Variants in ADAMTS19 observed in about 807,000 individuals in gnomAD.
The protein encoded by ADAMTS19 is ADAM metallopeptidase with thrombospondin type 1 motif 19, also known as A disintegrin and metalloproteinase with thrombospondin motifs 19.
ADAMTS19 carries 93 observed loss-of-function variants against 153.3 expected under a neutral mutation model. That is an observed-to-expected ratio of 0.61 (90% CI 0.51 to 0.72). The LOEUF (loss-of-function observed/expected upper bound fraction) is 0.72. Ranked by LOEUF, ADAMTS19 falls within the 30% of genes least tolerant of loss-of-function variation. The pLI, the probability that ADAMTS19 is intolerant of heterozygous loss-of-function variation, is 0.00. For missense variants in ADAMTS19, 1,482 were observed against 1,552.1 expected (o/e 0.95, Z 0.76); for synonymous variants, 600 against 556.6 (o/e 1.08, Z -1.10).
chr5:129,507,977 T>TA (rs992811468), intron 2 of ADAMTS19, among the ~76,000 whole-genome samples: 4 of 151,756 alleles, frequency 2.6e-5, no homozygotes, highest in South Asian at 4.2e-4. Flanking sequence ...TCAAACAAAT[T>TA]AAAAAAAATT....
At chr5:129,547,270 C>G (rs1259026625) in intron 6 of ADAMTS19, among the ~76,000 whole-genome samples, 1 of 150,342 alleles carries the variant, frequency 6.7e-6, no homozygotes, top group Non-Finnish European at 1.5e-5. Context: ...CCTGGGTAGC[C>G]TCTGGAAGCT....
chr5:129,483,792 C>A (rs575552144), intron 2 of ADAMTS19, among the ~76,000 whole-genome samples: 1 of 152,240 alleles, frequency 6.6e-6, no homozygotes, highest in African/African-American at 2.4e-5. Context: ...GTCATTTTTA[C>A]ACTAAGGCAA....
rs774866758 is a variant in ADAMTS19, at chr5:129,461,544, C to T, written c.534C>T (p.Phe178=). ...GDEVLLRIPA[F]SRDLYLLLRR... ...AAGTGTTGCTGCGGATCCCGGCCTT[C>T]TCTCGGGACCTGTACCTGCTGCTCC... The change falls in exon 2 of 23, where the codon TTC becomes TTT. Residue 178 remains phenylalanine (F), a synonymous_variant. Coordinates refer to ENST00000274487, the MANE Select transcript of ADAMTS19 (RefSeq NM_133638.6). The surrounding 1 kb of genome is among the most constrained non-coding windows in gnomAD (Gnocchi z 4.6). 1 of 1,535,448 alleles carries T rather than the reference C, an allele frequency of 6.5e-7. No individual in the cohort carries two copies. The highest frequency in any genetic ancestry group is 8.7e-7 in the Non-Finnish European group (1 of 1,147,652).
At chr5:129,539,152 A>C in intron 6 of ADAMTS19, among the ~76,000 whole-genome samples, 1 of 152,132 alleles carries the variant, frequency 6.6e-6, no homozygotes, top group East Asian at 1.9e-4. Context: ...TAATCTCCAG[A>C]ACCAGTGAAT....
At chr5:129,558,353 A>G (rs1235874400) in intron 7 of ADAMTS19, among the ~76,000 whole-genome samples, 2 of 152,288 alleles carry the variant, frequency 1.3e-5, no homozygotes, top group African/African-American at 4.8e-5. Flanking sequence ...ATCAATATGC[A>G]ATAACCAATT....
intron 8 of ADAMTS19, among the ~76,000 whole-genome samples, chr5:129,598,111 C>G (rs2126923347): frequency 6.6e-6 from 1 of 152,110 alleles, no homozygotes; most frequent in East Asian, 1.9e-4. Context: ...GTTTGGCCTT[C>G]AGTGTTTAAA....
chr5:129,535,311 T>C (rs986266680), intron 6 of ADAMTS19, among the ~76,000 whole-genome samples: 1 of 152,130 alleles, frequency 6.6e-6, no homozygotes, highest in Admixed American at 6.5e-5. Flanking sequence ...CCATTCACAA[T>C]TGGCTTGAAA....
chr5:129,673,839 A>G (rs1754423946), intron 16 of ADAMTS19, among the ~76,000 whole-genome samples: 1 of 152,230 alleles, frequency 6.6e-6, no homozygotes, highest in African/African-American at 2.4e-5. Flanking sequence ...TCATTTTAAA[A>G]TTTAAATTTA....
At chr5:129,619,306 C>G (rs955722066) in intron 8 of ADAMTS19, among the ~76,000 whole-genome samples, 1 of 151,966 alleles carries the variant, frequency 6.6e-6, no homozygotes, top group Non-Finnish European at 1.5e-5. Context: ...TAATCTTGGA[C>G]AAGTTACTTC....
intron 7 of ADAMTS19, among the ~76,000 whole-genome samples, chr5:129,562,301 A>G (rs956483931): frequency 6.6e-6 from 1 of 152,220 alleles, no homozygotes; most frequent in African/African-American, 2.4e-5. Context: ...TTGAGATTTG[A>G]TAAAATGAAT....
At chr5:129,600,858 GTTA>G (rs67558720) in intron 8 of ADAMTS19, among the ~76,000 whole-genome samples, 17,584 of 150,480 alleles carry the variant, frequency 0.12, 1,273 homozygotes, top group African/African-American at 0.2. Context: ...AGTAGTAGGA[GTTA>G]TTATTATTAT....
chr5:129,549,791 T>C (rs943253009), intron 6 of ADAMTS19, among the ~76,000 whole-genome samples: 2 of 148,960 alleles, frequency 1.3e-5, no homozygotes, highest in African/African-American at 4.9e-5. Context: ...CACACACACA[T>C]ACATATATCT....
At chr5:129,592,195 T>C (rs1040671426) in intron 7 of ADAMTS19, among the ~76,000 whole-genome samples, 1 of 151,898 alleles carries the variant, frequency 6.6e-6, no homozygotes, top group African/African-American at 2.4e-5. Flanking sequence ...CTGGCCAACA[T>C]GGTGAAACCC....
chr5:129,627,525 A>G (rs115060647), intron 10 of ADAMTS19, among the ~76,000 whole-genome samples: 216 of 152,226 alleles, frequency 1.4e-3, no homozygotes, highest in African/African-American at 5.0e-3. Flanking sequence ...ATTAAACTTA[A>G]GAGCTCTGCA....
At chr5:129,734,798 T>C in intron 21 of ADAMTS19, 134 bp from the exon 22 acceptor site, 1 of 754,036 alleles carries the variant, frequency 1.3e-6, no homozygotes. Context: ...ACCCATGTTT[T>C]GCATTGACTG....
chr5:129,521,117 T>C (rs759275802), intron 3 of ADAMTS19, among the ~76,000 whole-genome samples: 1 of 152,206 alleles, frequency 6.6e-6, no homozygotes, highest in Non-Finnish European at 1.5e-5. Context: ...TGCTTAAATA[T>C]TGCAGTAACA....
chr5:129,548,555 G>A (rs528456764), intron 6 of ADAMTS19, among the ~76,000 whole-genome samples: 1 of 151,556 alleles, frequency 6.6e-6, no homozygotes, highest in East Asian at 1.9e-4. Context: ...TGGAGAAATA[G>A]GAACACTTTT....
At chr5:129,668,990 C>T (rs1754177675) in intron 16 of ADAMTS19, among the ~76,000 whole-genome samples, 1 of 151,902 alleles carries the variant, frequency 6.6e-6, no homozygotes, top group African/African-American at 2.4e-5. Flanking sequence ...TGCAAAACTT[C>T]CTACAAAGCT....
At chr5:129,516,345 A>G (rs112000197) in intron 3 of ADAMTS19, among the ~76,000 whole-genome samples, 1 of 144,194 alleles carries the variant, frequency 6.9e-6, no homozygotes, top group African/African-American at 2.6e-5. Context: ...CTCCTCTTAT[A>G]TATTTTTTGG....
Sources: gnomAD v4.1 joint callset for allele counts (sites outside exome capture counted in the v4.1 genomes callset) on GRCh38, gnomAD v4.1.1 for gene constraint, Gnocchi (gnomAD v3.1) non-coding constraint, MANE v1.5 for transcripts, NCBI Gene and HGNC (gene_info 2026-07-23, HGNC 2026-07-21) for gene names.